WDR97: variants seen among roughly 807,000 people sequenced by gnomAD.
The protein encoded by WDR97 is WD repeat-containing protein 97.
Under a neutral mutation model 65.4 loss-of-function variants are expected in WDR97, and 111 were observed. That is an observed-to-expected ratio of 1.70 (90% CI 1.45 to 1.99). The LOEUF is 1.99. Among genes scored for constraint, WDR97 ranks in the 30% most tolerant of loss-of-function variants. WDR97 has a pLI of 0.00. For missense variants in WDR97, 1,674 were observed against 865.0 expected (o/e 1.94, Z -11.73); for synonymous variants, 802 against 397.7 (o/e 2.02, Z -12.10).
In WDR97 at chr8:144,115,803, C is replaced by T. The variant is rs914214670; in HGVS notation, c.4540C>T (p.Pro1514Ser). ...EKAAHPHPPEPYTVAPVPDMV... is the reference protein window; with the variant it reads ...EKAAHPHPPESYTVAPVPDMV... ...GGCTGCGCACCCACACCCGCCAGAG[C>T]CCTACACGGTGGCGCCGGTGCCCGA... Residue 1514 changes from proline (P) to serine (S), a missense_variant, in exon 22 of 24, where the codon CCC becomes TCC. By Grantham distance (74) the Pro-to-Ser change is moderately conservative. Coordinates refer to ENST00000323662, the MANE Select transcript of WDR97 (RefSeq NM_001316309.2). 7.2e-6 allele frequency: 5 copies of T among 691,528 alleles called. No individual in the cohort carries two copies. The highest frequency in any genetic ancestry group is 1.1e-5 in the Non-Finnish European group (4 of 378,122). The allele number at this position is 691,528 out of a possible 1,614,324, so 42.8% of individuals were successfully genotyped here.
chr8:144,111,751 C>A lies in WDR97; in HGVS notation c.2607C>A (p.Tyr869Ter). Residue 869 changes from tyrosine (Y) to a stop codon, truncating the protein, a stop_gained, in exon 12 of 24, where the codon TAC becomes TAA. Coordinates refer to ENST00000323662, the MANE Select transcript of WDR97 (RefSeq NM_001316309.2). LOFTEE classifies it high-confidence loss of function. ...AGCGCCAGGAAGGCTTTGACAATTA[C>A]CTCCGTCTGATCTACGGCTCTGGCC... ...WQQRQEGFDN[Y>*]LRLIYGSGLL... The A allele has an allele frequency of 1.4e-6, 1 of 690,222 alleles. No homozygotes were observed. The highest frequency in any genetic ancestry group is 2.7e-6 in the Non-Finnish European group (1 of 376,838). 42.8% of individuals were successfully genotyped at this position (690,222 alleles called of 1,614,324 possible). A position where few individuals can be genotyped will look rare whatever the true frequency, so the allele number is the denominator to read the frequency against.
Position 144,109,577 on chromosome 8 carries a change from T to C in WDR97, c.1243T>C (p.Tyr415His), listed in dbSNP as rs762838361. Residue 415 changes from tyrosine (Y) to histidine (H), a missense_variant, in exon 5 of 24, where the codon TAC becomes CAC. Tyr to His is a moderately conservative substitution (Grantham distance 83, BLOSUM62 2). Transcript: ENST00000323662. ...SMQLWRVRELYSPLAQLPAKV... is the reference protein window; with the variant it reads ...SMQLWRVRELHSPLAQLPAKV... Reference sequence around the variant, plus strand: ...GCAGCTGTGGCGCGTACGCGAGCTCTACTCGCCGTTGGCGCAACTGCCCGC... The same window carrying C: ...GCAGCTGTGGCGCGTACGCGAGCTCCACTCGCCGTTGGCGCAACTGCCCGC... 2.9e-6 allele frequency: 2 copies of C among 692,808 alleles called. No homozygotes were observed. Among genetic ancestry groups the C allele is most frequent in the Non-Finnish European group, 5.3e-6 (2 of 380,544 alleles). The allele number at this position is 692,808 out of a possible 1,614,324, so 42.9% of individuals were successfully genotyped here.
Position 144,109,714 on chromosome 8 carries a change from G to C in WDR97, c.1380G>C (p.Ala460=). The change falls in exon 5 of 24, where the codon GCG becomes GCC. Residue 460 remains alanine, a synonymous_variant. Transcript: ENST00000323662. ...CADGSVYLLS[A]ATGRIVSSLL... ...ACGGCTCGGTCTACCTCCTGTCGGC[G>C]GCCACCGGGCGCATAGTGAGCTCAC... is the stretch of plus-strand genomic sequence containing the variant. 1.5e-6 allele frequency: 1 copy of C among 676,576 alleles called. No individual in the cohort carries two copies. Among genetic ancestry groups the C allele is most frequent in the Non-Finnish European group, 2.7e-6 (1 of 374,188 alleles). The allele number at this position is 676,576 out of a possible 1,614,324, so 41.9% of individuals were successfully genotyped here. A position where few individuals can be genotyped will look rare whatever the true frequency, so the allele number is the denominator to read the frequency against.
chr8:144,111,893 C>T lies in WDR97; in HGVS notation c.2644C>T (p.Gln882Ter), dbSNP rs771458495. Residue 882 changes from glutamine (Q) to a stop codon, truncating the protein, a stop_gained, in exon 13 of 24, where the codon CAG becomes TAG. Transcript: ENST00000323662. LOFTEE classifies it high-confidence loss of function. ...TGCTCCTGCTACCTCCCAGGGCATG[C>T]AGTCTGGAAGGGGGTCCCAGCAGTG... Reference protein sequence around the residue: ...LIYGSGLLGMQSGRGSQQWSA... With the variant: ...LIYGSGLLGM 1.1e-5 allele frequency: 8 copies of T among 702,248 alleles called. No individual in the cohort carries two copies. In the South Asian group the frequency reaches 1.2e-4, roughly 10 times the overall value. 43.5% of individuals were successfully genotyped at this position (702,248 alleles called of 1,614,324 possible). A position where few individuals can be genotyped will look rare whatever the true frequency, so the allele number is the denominator to read the frequency against.
Position 144,115,509 on chromosome 8 carries a change from C to T in WDR97, c.4246C>T (p.Leu1416Phe). The change falls in exon 22 of 24, where the codon CTC becomes TTC. Residue 1416 changes from leucine to phenylalanine, a missense_variant. Leu to Phe is a conservative substitution (Grantham distance 22, BLOSUM62 0). Coordinates refer to ENST00000323662, the MANE Select transcript of WDR97 (RefSeq NM_001316309.2). ...PAEPHSLAPE[L>F]QAQRMLAPKR... ...GGAGCCGCACTCTTTAGCCCCGGAG[C>T]TCCAGGCCCAGCGGATGCTGGCACC... 2.9e-6 allele frequency: 2 copies of T among 697,078 alleles called. No homozygotes were observed. Among genetic ancestry groups the T allele is most frequent in the Non-Finnish European group, 5.2e-6 (2 of 381,732 alleles). The allele number at this position is 697,078 out of a possible 1,614,324, so 43.2% of individuals were successfully genotyped here. A position where few individuals can be genotyped will look rare whatever the true frequency, so the allele number is the denominator to read the frequency against.
Position 144,113,734 on chromosome 8 carries a change from A to T in WDR97, c.3261A>T (p.Gln1087His). 1 of 697,718 alleles carries T rather than the reference A, an allele frequency of 1.4e-6. No homozygotes were observed. Among genetic ancestry groups the T allele is most frequent in the Non-Finnish European group, 2.6e-6 (1 of 382,104 alleles). 43.2% of individuals were successfully genotyped at this position (697,718 alleles called of 1,614,324 possible). Residue 1087 changes from glutamine to histidine, a missense_variant, in exon 17 of 24, where the codon CAA (glutamine) becomes CAT (histidine). Transcript: ENST00000323662. ...SQTQWQRKLL[Q>H]WMGEKPGEEG... The stretch of plus-strand genomic sequence containing the variant: ...CCCAGTGGCAGAGGAAGCTGCTCCA[A>T]TGGATGGGGGAGAAGCCTGGGGAGG...
rs771076162 is a variant in WDR97 at position 144,109,778 on chromosome 8, T to A, written c.1444T>A (p.Tyr482Asn). Residue 482 changes from tyrosine (Y) to asparagine (N), a missense_variant, in exon 5 of 24, where the codon TAC (tyrosine) becomes AAC (asparagine). Tyr to Asn is a moderately radical substitution (Grantham distance 143, BLOSUM62 -2). Coordinates refer to ENST00000323662, the MANE Select transcript of WDR97 (RefSeq NM_001316309.2). ...GGAGGACTGCGCGGCAGCCGTGGCC[T>A]ACTGCCTGCCGCGCGAGGCGCTGTG... ...EPEDCAAAVA[Y>N]CLPREALWLL... The A allele has an allele frequency of 1.5e-6, 1 of 672,622 alleles. No homozygotes were observed. The highest frequency in any genetic ancestry group is 1.6e-5 in the South Asian group (1 of 64,278). 41.7% of individuals were successfully genotyped at this position (672,622 alleles called of 1,614,324 possible).
Position 144,115,611 on chromosome 8 carries a change from G to A in WDR97, c.4348G>A (p.Glu1450Lys). ...GCTGAAGAGCTTCTGCCTGGAGCCCGAGGCCCGCCTGCACCCTGCCGGGCC... is the reference window on the plus strand; with the variant it reads ...GCTGAAGAGCTTCTGCCTGGAGCCCAAGGCCCGCCTGCACCCTGCCGGGCC... ...ETLKSFCLEP[E>K]ARLHPAGPAQ... Residue 1450 changes from glutamate to lysine, a missense_variant, in exon 22 of 24, where the codon GAG (glutamate) becomes AAG (lysine). Transcript: ENST00000323662. 1.5e-6 allele frequency: 1 copy of A among 682,528 alleles called. No homozygotes were observed. Among genetic ancestry groups the A allele is most frequent in the South Asian group, 1.5e-5 (1 of 65,754 alleles). The allele number at this position is 682,528 out of a possible 1,614,324, so 42.3% of individuals were successfully genotyped here. A position where few individuals can be genotyped will look rare whatever the true frequency, so the allele number is the denominator to read the frequency against.
In WDR97 at chr8:144,116,643, T is replaced by G; in HGVS notation, c.*350T>G. The stretch of plus-strand genomic sequence containing the variant: ...ATGCGGGCTGACCTTAGAGAACGTG[T>G]CCTGGGCCAGCCCACAGCCTGGTGT... On this transcript the variant is annotated 3_prime_UTR_variant, in exon 24 of 24. Coordinates refer to ENST00000323662, the MANE Select transcript of WDR97 (RefSeq NM_001316309.2). 5.1e-6 allele frequency: 1 copy of G among 196,256 alleles called. No individual in the cohort carries two copies. The allele number at this position is 196,256 out of a possible 1,614,324, so 12.2% of individuals were successfully genotyped here.
Position 144,110,361 on chromosome 8 carries a change from A to T in WDR97, c.1864A>T (p.Met622Leu). The change falls in exon 7 of 24, where the codon ATG becomes TTG. Residue 622 changes from methionine to leucine, a missense_variant. Physicochemically the swap from Met to Leu is conservative, Grantham distance 15. Coordinates refer to ENST00000323662, the MANE Select transcript of WDR97 (RefSeq NM_001316309.2). ...VSSGGDLTVK[M>L]WRVFPYAEES... ...CACAGGTGGGGACCTGACGGTGAAG[A>T]TGTGGCGCGTCTTCCCCTATGCCGA... 1 of 702,884 alleles carries T rather than the reference A, an allele frequency of 1.4e-6. No individual in the cohort carries two copies. Among genetic ancestry groups the T allele is most frequent in the South Asian group, 1.5e-5 (1 of 67,592 alleles). 43.5% of individuals were successfully genotyped at this position (702,884 alleles called of 1,614,324 possible).
At position 144,115,750 on chromosome 8, in the gene WDR97, C is replaced by G. The variant is rs1187468928; in HGVS notation, c.4487C>G (p.Ala1496Gly). 2 of 701,136 alleles carry G rather than the reference C, an allele frequency of 2.9e-6. No homozygotes were observed. The highest frequency in any genetic ancestry group is 3.5e-5 in the African/African-American group (2 of 57,174). The allele number at this position is 701,136 out of a possible 1,614,324, so 43.4% of individuals were successfully genotyped here. Residue 1496 changes from alanine to glycine, a missense_variant, in exon 22 of 24, where the codon GCG (alanine) becomes GGG (glycine). Ala to Gly is a moderately conservative substitution (Grantham distance 60). Transcript: ENST00000323662. ...AACTTCTTCTGTGAGCAGCTGCGGG[C>G]GCAGCAGCGGAGTTCGCTCCAGGAG... is the stretch of plus-strand genomic sequence containing the variant. ...ALNFFCEQLRAQQRSSLQEKA... is the reference protein window; with the variant it reads ...ALNFFCEQLRGQQRSSLQEKA...
At chr8:144,113,940 A>G (rs894767141) in intron 17 of WDR97, 37 bp from the exon 18 acceptor site, 4 of 695,990 alleles carry the variant, frequency 5.7e-6, no homozygotes, top group Non-Finnish European at 1.1e-5. Context: ...ACTGAGACCC[A>G]GACAGGTGGG....
rs1371347132 is a variant in WDR97 at position 144,110,954 on chromosome 8, G to C, written c.2262G>C (p.Leu754=). The C allele has an allele frequency of 1.4e-6, 1 of 702,682 alleles. No homozygotes were observed. Among genetic ancestry groups the C allele is most frequent in the Non-Finnish European group, 2.6e-6 (1 of 384,980 alleles). The allele number at this position is 702,682 out of a possible 1,614,324, so 43.5% of individuals were successfully genotyped here. A position where few individuals can be genotyped will look rare whatever the true frequency, so the allele number is the denominator to read the frequency against. The stretch of plus-strand genomic sequence containing the variant: ...TGGCGCTGGGATCCCGCCTCTGCCT[G>C]GTGTCCCACAGGCTCTACCTGCCTA... ...LVLALGSRLC[L]VSHRLYLPTS... The change falls in exon 9 of 24, where the codon CTG becomes CTC. Residue 754 remains leucine (L), a synonymous_variant. Transcript: ENST00000323662.
rs1261662991 is a variant in WDR97, at chr8:144,110,656, C to T, written c.2088C>T (p.Cys696=). 4 of 702,908 alleles carry T rather than the reference C, an allele frequency of 5.7e-6. No individual in the cohort carries two copies. The highest frequency in any genetic ancestry group is 5.4e-5 in the East Asian group (2 of 37,288). The allele number at this position is 702,908 out of a possible 1,614,324, so 43.5% of individuals were successfully genotyped here. ...DDPTDHITGL[C]CCPTLKLYAC... Reference sequence around the variant, plus strand: ...CCTGAACCCTGCCGCCAGGCCTGTGCTGCTGCCCCACGCTCAAACTGTATG... The same window carrying T: ...CCTGAACCCTGCCGCCAGGCCTGTGTTGCTGCCCCACGCTCAAACTGTATG... The change falls in exon 8 of 24, where the codon TGC becomes TGT. Residue 696 remains cysteine, a synonymous_variant. Coordinates refer to ENST00000323662, the MANE Select transcript of WDR97 (RefSeq NM_001316309.2).
rs1836470189 is a variant in WDR97 at position 144,108,728 on chromosome 8, C to A, written c.662C>A (p.Ala221Glu). 1.4e-6 allele frequency: 1 copy of A among 701,228 alleles called. No individual in the cohort carries two copies. The highest frequency in any genetic ancestry group is 2.7e-5 in the East Asian group (1 of 37,270). 43.4% of individuals were successfully genotyped at this position (701,228 alleles called of 1,614,324 possible). ...LLVAEMNSSL[A>E]LWQFRSGGRR... ...GTTGCGGAGATGAACAGCAGCCTGG[C>A]GCTCTGGCAGTTCCGTTCAGGTGGT... Residue 221 changes from alanine to glutamate, a missense_variant, in exon 3 of 24, where the codon GCG (alanine) becomes GAG (glutamate). By Grantham distance (107) the Ala-to-Glu change is moderately radical (BLOSUM62 -1). Coordinates refer to ENST00000323662, the MANE Select transcript of WDR97 (RefSeq NM_001316309.2).
chr8:144,110,884 C>A lies in WDR97; in HGVS notation c.2192C>A (p.Ala731Asp). The A allele has an allele frequency of 1.4e-6, 1 of 702,888 alleles. No individual in the cohort carries two copies. The highest frequency in any genetic ancestry group is 1.5e-5 in the South Asian group (1 of 67,598). The allele number at this position is 702,888 out of a possible 1,614,324, so 43.5% of individuals were successfully genotyped here. A position where few individuals can be genotyped will look rare whatever the true frequency, so the allele number is the denominator to read the frequency against. The change falls in exon 9 of 24, where the codon GCC becomes GAC. Residue 731 changes from alanine to aspartate, a missense_variant. Ala to Asp is a moderately radical substitution (Grantham distance 126, BLOSUM62 -2). Coordinates refer to ENST00000323662, the MANE Select transcript of WDR97 (RefSeq NM_001316309.2). Reference protein sequence around the residue: ...RLLRLLQLNGAPQALAFCSNS... With the variant: ...RLLRLLQLNGDPQALAFCSNS... ...TCCAGGCTCCTGCAGCTGAATGGTGCCCCTCAGGCCCTGGCTTTCTGCAGC... is the reference window on the plus strand; with the variant it reads ...TCCAGGCTCCTGCAGCTGAATGGTGACCCTCAGGCCCTGGCTTTCTGCAGC...
chr8:144,113,467 G>A lies in WDR97; in HGVS notation c.3133G>A (p.Gly1045Ser), dbSNP rs1050550484. 38 of 702,328 alleles carry A rather than the reference G, an allele frequency of 5.4e-5. No homozygotes were observed. The highest frequency in any genetic ancestry group is 4.0e-4 in the Admixed American group (20 of 50,000). The allele number at this position is 702,328 out of a possible 1,614,324, so 43.5% of individuals were successfully genotyped here. Residue 1045 changes from glycine (G) to serine (S), a missense_variant, in exon 16 of 24, where the codon GGC becomes AGC. Transcript: ENST00000323662. The part of the protein sequence containing the change: ...KHCLRPICFP[G>S]YVPNSAVLQQ... ...CTGCCTGAGGCCCATCTGCTTCCCC[G>A]GCTATGTGCCCAACTCCGCGGTGCT...
chr8:144,115,522 G>A lies in WDR97; in HGVS notation c.4259G>A (p.Arg1420Gln), dbSNP rs187049964. Reference sequence around the variant, plus strand: ...TTAGCCCCGGAGCTCCAGGCCCAGCGGATGCTGGCACCCAAGCGCAGCTGG... The same window carrying A: ...TTAGCCCCGGAGCTCCAGGCCCAGCAGATGCTGGCACCCAAGCGCAGCTGG... ...HSLAPELQAQ[R>Q]MLAPKRSWGT... Residue 1420 changes from arginine (R) to glutamine (Q), a missense_variant, in exon 22 of 24, where the codon CGG (arginine) becomes CAG (glutamine). Transcript: ENST00000323662. The A allele has an allele frequency of 4.6e-4, 319 of 697,248 alleles. 1 individual carries two copies. Among genetic ancestry groups the A allele is most frequent in the African/African-American group, 3.1e-3 (176 of 57,238 alleles). The allele number at this position is 697,248 out of a possible 1,614,324, so 43.2% of individuals were successfully genotyped here.
At chr8:144,111,033 C>T (rs1431760594) in intron 9 of WDR97, 37 bp downstream of exon 9, 2 of 702,460 alleles carry the variant, frequency 2.8e-6, no homozygotes, top group East Asian at 2.7e-5. Context: ...GGTGGGCCCC[C>T]CTTGCTCACC....
Sources: allele counts gnomAD v4.1 joint callset, GRCh38; gene constraint gnomAD v4.1.1; transcripts MANE v1.5; gene names NCBI Gene and HGNC (gene_info 2026-07-23, HGNC 2026-07-21).